The following NBEA variants were observed in gnomAD, a reference collection of about 807,000 sequenced individuals.
The protein encoded by NBEA is lysosomal-trafficking regulator 2.
In NBEA, 44 loss-of-function variants were observed where a neutral mutation model predicts 343.4. The ratio of observed to expected loss-of-function variants is 0.13; its 90% CI spans 0.10 to 0.16. NBEA has a LOEUF of 0.16. Among genes scored for constraint, NBEA ranks in the 10% least tolerant of loss-of-function variants. The pLI is 1.00. For missense variants in NBEA, 2,555 were observed against 3,631.3 expected (o/e 0.70, Z 7.62); for synonymous variants, 1,175 against 1,238.7 (o/e 0.95, Z 1.08).
chr13:35,012,485 T>C (rs926194568), intron 1 of NBEA, among the ~76,000 whole-genome samples: 10 of 152,166 alleles, frequency 6.6e-5, no homozygotes, highest in South Asian at 6.2e-4. Context: ...ACCAAGTAAA[T>C]AGCCTAAGTG....
chr13:35,601,184 A>C (rs879698954), intron 47 of NBEA, among the ~76,000 whole-genome samples: 89 of 149,826 alleles, frequency 5.9e-4, no homozygotes, highest in Middle Eastern at 3.4e-3. Flanking sequence ...CTCAACAAAA[A>C]AAAAAAAAAA....
At chr13:35,658,815 A>G (rs995180) in intron 55 of NBEA, among the ~76,000 whole-genome samples, 2 of 152,044 alleles carry the variant, frequency 1.3e-5, no homozygotes, top group African/African-American at 4.8e-5. Context: ...TGACCCACTT[A>G]TCTATTTAAA....
intron 31 of NBEA, among the ~76,000 whole-genome samples, chr13:35,198,476 A>G (rs2072783270): frequency 6.6e-6 from 1 of 152,164 alleles, no homozygotes; most frequent in African/African-American, 2.4e-5. Flanking sequence ...TTTTAATTAA[A>G]ACTTTAAAAA....
rs529975227 is a variant in NBEA, at chr13:34,984,367, T to G, written c.294+41253T>G. 5.3e-5 allele frequency among the ~76,000 whole-genome samples: 8 copies of G among 152,316 alleles called. No individual in the cohort carries two copies. The South Asian group carries it at 1.7e-3, about 32-fold the overall frequency. On this transcript the variant is annotated intron_variant, in intron 1 of 58. Transcript: ENST00000379939. ...ATCAGATGGTTGTAGATGTGTGGTGTTATTTCTGAGGCCTCTGATCTGTTC... is the reference window on the plus strand; with the variant it reads ...ATCAGATGGTTGTAGATGTGTGGTGGTATTTCTGAGGCCTCTGATCTGTTC...
intron 55 of NBEA, among the ~76,000 whole-genome samples, chr13:35,659,532 T>C (rs907712842): frequency 1.3e-5 from 2 of 152,204 alleles, no homozygotes; most frequent in Admixed American, 6.5e-5. Flanking sequence ...GTGTCAAATA[T>C]ATTGTGAAGA....
chr13:35,415,099 A>G (rs1192448895), intron 38 of NBEA, among the ~76,000 whole-genome samples: 1 of 152,074 alleles, frequency 6.6e-6, no homozygotes, highest in Non-Finnish European at 1.5e-5. Context: ...TGTCTTGTAA[A>G]TTTGTTTAAG....
chr13:35,156,924 C>G (rs952843389), intron 20 of NBEA, among the ~76,000 whole-genome samples, 154 bp from the exon 21 acceptor site: 1 of 152,092 alleles, frequency 6.6e-6, no homozygotes, highest in Non-Finnish European at 1.5e-5. Flanking sequence ...GAAAGTCATT[C>G]CAAGTATAGA....
chr13:35,041,186 A>G (rs1475704235), intron 2 of NBEA, 22 bp downstream of exon 2: 1 of 1,570,154 alleles, frequency 6.4e-7, no homozygotes, highest in Non-Finnish European at 8.7e-7. Flanking sequence ...TCTGACAGGA[A>G]AGTATAACTT....
At chr13:35,399,271 G>C (rs2042889989) in intron 38 of NBEA, among the ~76,000 whole-genome samples, 1 of 152,064 alleles carries the variant, frequency 6.6e-6, no homozygotes, top group Non-Finnish European at 1.5e-5. Context: ...TTTTGTATTA[G>C]TGTTTTCACA....
intron 41 of NBEA, among the ~76,000 whole-genome samples, chr13:35,522,086 A>G (rs902021091): frequency 6.6e-6 from 1 of 152,102 alleles, no homozygotes; most frequent in Admixed American, 6.6e-5. Context: ...CAGGGATTCA[A>G]GGGGATGTAG....
chr13:35,136,273 A>G (rs1217235330), intron 17 of NBEA, among the ~76,000 whole-genome samples: 1 of 152,178 alleles, frequency 6.6e-6, no homozygotes, highest in Non-Finnish European at 1.5e-5. Flanking sequence ...CATTAGAGTG[A>G]TAGGAATTGA....
chr13:35,098,601 A>G (rs189242504), intron 11 of NBEA, among the ~76,000 whole-genome samples, 196 bp downstream of exon 11: 1 of 152,290 alleles, frequency 6.6e-6, no homozygotes, highest in East Asian at 1.9e-4. Flanking sequence ...GAAATTTTGA[A>G]TAAAAAAATC....
chr13:35,119,140 G>C (rs1000132918), intron 16 of NBEA, among the ~76,000 whole-genome samples: 1 of 152,154 alleles, frequency 6.6e-6, no homozygotes, highest in Non-Finnish European at 1.5e-5. Flanking sequence ...TTTTGTTGTG[G>C]CAATTGAAAT....
At chr13:35,262,386 A>G (rs1431276495) in intron 34 of NBEA, among the ~76,000 whole-genome samples, 3 of 152,248 alleles carry the variant, frequency 2.0e-5, no homozygotes, top group East Asian at 1.9e-4. Context: ...ATCAATGTTC[A>G]CATCAGTTAT....
At chr13:35,579,057 T>A (rs2080885534) in intron 45 of NBEA, among the ~76,000 whole-genome samples, 1 of 152,184 alleles carries the variant, frequency 6.6e-6, no homozygotes, top group Non-Finnish European at 1.5e-5. Flanking sequence ...ATTCCAGATG[T>A]CAAACTTTTG....
At chr13:35,389,546 G>C in intron 38 of NBEA, among the ~76,000 whole-genome samples, 1 of 152,018 alleles carries the variant, frequency 6.6e-6, no homozygotes, top group East Asian at 1.9e-4. Context: ...CATTGATCTA[G>C]TATTTTCTTA....
At chr13:35,223,873 T>A (rs1331095573) in intron 33 of NBEA, among the ~76,000 whole-genome samples, 6 of 152,176 alleles carry the variant, frequency 3.9e-5, no homozygotes, top group Middle Eastern at 3.2e-3. Context: ...AATGCAGATG[T>A]TGGCAGGGCT....
At chr13:35,333,274 G>T (rs1405242084) in intron 36 of NBEA, among the ~76,000 whole-genome samples, 3 of 152,086 alleles carry the variant, frequency 2.0e-5, no homozygotes, top group African/African-American at 7.2e-5. Flanking sequence ...CATTAAAAAT[G>T]AAGAAGAATA....
chr13:35,650,577 C>T (rs1476315707), intron 52 of NBEA, among the ~76,000 whole-genome samples: 1 of 152,162 alleles, frequency 6.6e-6, no homozygotes, highest in African/African-American at 2.4e-5. Flanking sequence ...TGGCAGGCAC[C>T]TGTAATCCCA....
Sources: gnomAD v4.1 joint callset for allele counts (sites outside exome capture counted in the v4.1 genomes callset) on GRCh38, gnomAD v4.1.1 for gene constraint, MANE v1.5 for transcripts, NCBI Gene and HGNC (gene_info 2026-07-23, HGNC 2026-07-21) for gene names.